Variants in AGMO observed in about 807,000 individuals in gnomAD.
AGMO encodes the protein alkylglycerol monooxygenase.
In AGMO, 75 loss-of-function variants were observed where a neutral mutation model predicts 60.2. That is an observed-to-expected ratio of 1.25 (90% confidence interval 1.03 to 1.51). The LOEUF (loss-of-function observed/expected upper bound fraction) is 1.51. AGMO is among the 40% of genes most tolerant of loss of function. AGMO has a pLI of 0.00. For missense variants in AGMO, 763 were observed against 525.5 expected, an observed-to-expected ratio of 1.45 and a Z score of -4.42; for synonymous variants, 261 against 177.1, an observed-to-expected ratio of 1.47 and a Z score of -3.76.
the AGMO span, among the ~76,000 whole-genome samples, chr7:15,185,939 ACT>A: frequency 6.6e-6 from 1 of 152,060 alleles, no homozygotes. Context: ...GATTTTCAAA[ACT>A]CTGTATACAG....
intron 2 of AGMO, among the ~76,000 whole-genome samples, chr7:15,549,964 A>G (rs1279172015): frequency 1.3e-5 from 2 of 150,226 alleles, no homozygotes; most frequent in African/African-American, 2.4e-5. Context: ...ATAACAAACT[A>G]TCTCTCAGAC....
chr7:15,341,941 C>G (rs1781862172), intron 12 of AGMO, among the ~76,000 whole-genome samples: 1 of 151,870 alleles, frequency 6.6e-6, no homozygotes, highest in Admixed American at 6.6e-5. Flanking sequence ...TCAATTATCT[C>G]TCACCGAGTC....
intron 12 of AGMO, among the ~76,000 whole-genome samples, chr7:15,356,678 A>C (rs556819393): frequency 5.9e-5 from 9 of 152,110 alleles, no homozygotes; most frequent in Non-Finnish European, 4.4e-5. Flanking sequence ...TTTATTTAGA[A>C]TGGTGTTTAT....
intron 12 of AGMO, among the ~76,000 whole-genome samples, chr7:15,273,926 C>T (rs1244188038): frequency 6.6e-6 from 1 of 152,040 alleles, no homozygotes; most frequent in Non-Finnish European, 1.5e-5. Flanking sequence ...CTGTGTTTGT[C>T]TGTTATTTGT....
At chr7:15,366,261 G>A in intron 10 of AGMO, 39 bp from the exon 11 acceptor site, 1 of 1,500,528 alleles carries the variant, frequency 6.7e-7, no homozygotes, top group Non-Finnish European at 9.2e-7. Flanking sequence ...GCCGTTAGAA[G>A]AATTGTTAAA....
intron 3 of AGMO, among the ~76,000 whole-genome samples, chr7:15,480,810 A>G (rs1782728017): frequency 6.6e-6 from 1 of 152,114 alleles, no homozygotes; most frequent in African/African-American, 2.4e-5. Flanking sequence ...TGATTGGTTG[A>G]AGGCCTAGTC....
intron 12 of AGMO, among the ~76,000 whole-genome samples, chr7:15,233,184 A>C (rs975450013): frequency 9.9e-5 from 15 of 152,202 alleles, no homozygotes; most frequent in Admixed American, 9.2e-4. Flanking sequence ...AAAATCTATA[A>C]ATTTCCACAT....
In AGMO at chr7:15,510,554, T is replaced by TAC. The variant is rs1440190235; in HGVS notation, c.409+34217_409+34218insGT. Among the ~76,000 whole-genome samples the TAC allele has an allele frequency of 8.0e-5, 12 of 149,138 alleles. No individual in the cohort carries two copies. The East Asian group carries it at 2.4e-3, about 29-fold the overall frequency. ...TATATATATCTATATATATCATATATATATGTCATATATGTGATATATATG... is the reference window on the plus strand; with the variant it reads ...TATATATATCTATATATATCATATATACATATGTCATATATGTGATATATATG... On this transcript the variant is annotated intron_variant, in intron 3 of 12. Coordinates refer to ENST00000342526, the MANE Select transcript of AGMO (RefSeq NM_001004320.2).
chr7:15,430,216 T>G (rs922325969), intron 4 of AGMO, among the ~76,000 whole-genome samples: 2 of 151,920 alleles, frequency 1.3e-5, no homozygotes, highest in East Asian at 3.9e-4. Context: ...ACCACGGAAA[T>G]GTTTGACCAT....
chr7:15,561,912 C>T lies in AGMO; in HGVS notation c.-67G>A. 1.3e-6 allele frequency: 2 copies of T among 1,502,930 alleles called. No homozygotes were observed. The highest frequency in any genetic ancestry group is 1.4e-5 in the African/African-American group (1 of 71,110). 93.1% of individuals were successfully genotyped at this position (1,502,930 alleles called of 1,614,324 possible). A position where few individuals can be genotyped will look rare whatever the true frequency, so the allele number is the denominator to read the frequency against. ...TCAATGCTTGAAGCCTGAGGCTGAACAAAGAGGACGAGATGTGCAGCTCAG... is the reference window on the plus strand; with the variant it reads ...TCAATGCTTGAAGCCTGAGGCTGAATAAAGAGGACGAGATGTGCAGCTCAG... On this transcript the variant is annotated 5_prime_UTR_variant, in exon 1 of 13. Coordinates refer to ENST00000342526, the MANE Select transcript of AGMO (RefSeq NM_001004320.2).
In AGMO at chr7:15,548,297, C is replaced by T. The variant is rs1400188611; in HGVS notation, c.258-3374G>A. On this transcript the variant is annotated intron_variant, in intron 2 of 12. Coordinates refer to ENST00000342526, the MANE Select transcript of AGMO (RefSeq NM_001004320.2). ...AAGGAACGCAGTTCCTCACCAGCAA[C>T]GGAACAAAGCTGGATGGAGAATGAC... Among the ~76,000 whole-genome samples the T allele has an allele frequency of 8.6e-5, 13 of 152,046 alleles. No individual in the cohort carries two copies. In the South Asian group the frequency reaches 2.5e-3, roughly 29 times the overall value.
At chr7:15,141,425 T>A in the AGMO span, among the ~76,000 whole-genome samples, 187 of 152,070 alleles carry the variant, frequency 1.2e-3, 2 homozygotes, top group African/African-American at 4.1e-3. Context: ...TCTATTAAAA[T>A]ATAAAAAATT....
intron 12 of AGMO, among the ~76,000 whole-genome samples, chr7:15,313,129 C>T (rs936894543): frequency 6.6e-6 from 1 of 152,060 alleles, no homozygotes; most frequent in Non-Finnish European, 1.5e-5. Context: ...TCTTGTGAGG[C>T]TAAAAATGAA....
chr7:15,388,113 C>G (rs1027387028), intron 8 of AGMO, among the ~76,000 whole-genome samples: 1 of 151,958 alleles, frequency 6.6e-6, no homozygotes, highest in Non-Finnish European at 1.5e-5. Flanking sequence ...TCTGTTTTGG[C>G]TTTATCAGAA....
intron 3 of AGMO, among the ~76,000 whole-genome samples, chr7:15,532,647 GA>G (rs1293814520): frequency 2.6e-5 from 4 of 152,094 alleles, no homozygotes; most frequent in African/African-American, 9.7e-5. Context: ...TCAAAATCTT[GA>G]GTTCTTTAGG....
downstream of AGMO, among the ~76,000 whole-genome samples, chr7:15,195,544 G>A (rs762094200): frequency 6.6e-6 from 1 of 152,214 alleles, no homozygotes; most frequent in Non-Finnish European, 1.5e-5. Flanking sequence ...CTGGCGCCAT[G>A]TTGTCTGCTC....
At position 15,373,277 on chromosome 7, in the gene AGMO, CA is replaced by C. The variant is rs780500529; in HGVS notation, c.1075-7056del. Among the ~76,000 whole-genome samples, 1,007 of 137,692 alleles carry C rather than the reference CA, an allele frequency of 7.3e-3. 8 individuals carry two copies. The highest frequency in any genetic ancestry group is 0.016 in the African/African-American group (620 of 37,620). The allele number at this position is 137,692 out of a possible 152,430, so 90.3% of individuals were successfully genotyped here. A position where few individuals can be genotyped will look rare whatever the true frequency, so the allele number is the denominator to read the frequency against. On this transcript the variant is annotated intron_variant, in intron 10 of 12. Transcript: ENST00000342526. ...TGGACAACAGAGTGATATTCTGTCT[CA>C]AAAAAAAAAAAAATTATTTGGTAGC...
chr7:15,321,671 A>C (rs1442164082), intron 12 of AGMO, among the ~76,000 whole-genome samples: 2 of 152,152 alleles, frequency 1.3e-5, no homozygotes, highest in East Asian at 3.8e-4. Context: ...CTACATCTAG[A>C]AGACGACTTC....
chr7:15,259,899 CAAAAAAAAAAAAA>C lies in AGMO; in HGVS notation c.1264-58553_1264-58541del, dbSNP rs71549927. ...TACCAAGCCAGCACTACAAGAACTGCAAAAAAAAAAAAAAAAAAAAAAAAAAAGCTCTAAATCT... is the reference window on the plus strand; with the variant it reads ...TACCAAGCCAGCACTACAAGAACTGCAAAAAAAAAAAAAAGCTCTAAATCT... On this transcript the variant is annotated intron_variant, in intron 12 of 12. Transcript: ENST00000342526. 4.4e-3 allele frequency among the ~76,000 whole-genome samples: 41 copies of C among 9,412 alleles called. 1 individual carries two copies. Among genetic ancestry groups the C allele is most frequent in the African/African-American group, 0.01 (21 of 2,004 alleles). 6.2% of individuals were successfully genotyped at this position (9,412 alleles called of 152,430 possible). A position where few individuals can be genotyped will look rare whatever the true frequency, so the allele number is the denominator to read the frequency against.
Sources: allele counts gnomAD v4.1 joint callset (sites outside exome capture counted in the v4.1 genomes callset), GRCh38; gene constraint gnomAD v4.1.1; transcripts MANE v1.5; gene names NCBI Gene and HGNC (gene_info 2026-07-23, HGNC 2026-07-21).